BRINP3: variants seen among roughly 807,000 people sequenced by gnomAD.
BRINP3 encodes the protein BMP/retinoic acid inducible neural specific 3.
In BRINP3, 19 loss-of-function variants were observed where a neutral mutation model predicts 71.0. The observed-to-expected ratio is 0.27, with a 90% CI of 0.19 to 0.39. The LOEUF is 0.39. Ranked by LOEUF, BRINP3 falls within the 10% of genes least tolerant of loss-of-function variation. The probability of loss-of-function intolerance (pLI) is 1.00; values close to 1 mark genes in which losing one functional copy is unlikely to be tolerated. For synonymous variants in BRINP3, 380 were observed against 337.7 expected (o/e 1.13, Z -1.37); for missense variants, 959 against 940.8 (o/e 1.02, Z -0.25).
At position 190,097,975 on chromosome 1, in the gene BRINP3, TA is replaced by T; in HGVS notation, c.*42del. 1 of 1,551,548 alleles carries T rather than the reference TA, an allele frequency of 6.4e-7. No individual in the cohort carries two copies. The highest frequency in any genetic ancestry group is 8.7e-7 in the Non-Finnish European group (1 of 1,151,228). On this transcript the variant is annotated 3_prime_UTR_variant, in exon 8 of 8. Transcript: ENST00000367462. ...CATAAACTGTTCCACAAAAGCACTG[TA>T]AAAACTCCTTCAAGATTTTGGGTTG...
chr1:190,261,516 C>G (rs1661184105), intron 4 of BRINP3, among the ~76,000 whole-genome samples: 1 of 152,054 alleles, frequency 6.6e-6, no homozygotes, highest in Non-Finnish European at 1.5e-5. Context: ...TTTCTAGAAA[C>G]TGGCTCATAG....
At chr1:190,266,057 C>T (rs1661634304) in intron 3 of BRINP3, among the ~76,000 whole-genome samples, 1 of 152,112 alleles carries the variant, frequency 6.6e-6, no homozygotes, top group Non-Finnish European at 1.5e-5. Flanking sequence ...GACAAAAATC[C>T]ATGTCATTGA....
At chr1:190,467,151 G>T (rs1676813152) in intron 1 of BRINP3, among the ~76,000 whole-genome samples, 1 of 151,468 alleles carries the variant, frequency 6.6e-6, no homozygotes, top group Admixed American at 6.6e-5. Context: ...CTCTCTAAGA[G>T]AGTTATATTT....
rs1418531636 is a variant in BRINP3 at position 190,265,716 on chromosome 1, A to AAAAT, written c.428-665_428-662dup. 1.6e-3 allele frequency among the ~76,000 whole-genome samples: 241 copies of AAAAT among 151,670 alleles called. 1 individual carries two copies. Among genetic ancestry groups the AAAAT allele is most frequent in the African/African-American group, 5.1e-3 (213 of 41,480 alleles). ...GGCGACAGAGCGAGACTCCGTCTCA[A>AAAAT]AAATAAATAAATAAATAAATAAAAA... is the stretch of plus-strand genomic sequence containing the variant. On this transcript the variant is annotated intron_variant, in intron 3 of 7. Transcript: ENST00000367462.
At chr1:190,302,278 GTA>G (rs554805805) in intron 2 of BRINP3, among the ~76,000 whole-genome samples, 7 of 146,556 alleles carry the variant, frequency 4.8e-5, no homozygotes, top group South Asian at 2.1e-4. Flanking sequence ...ATATATAAAT[GTA>G]TATATATATA....
In BRINP3 at chr1:190,232,286, C is replaced by A. The variant is rs369309437; in HGVS notation, c.724+2086G>T. 2.0e-4 allele frequency among the ~76,000 whole-genome samples: 30 copies of A among 152,088 alleles called. No individual in the cohort carries two copies. In the East Asian group the frequency reaches 5.6e-3, roughly 28 times the overall value. ...GTGACCCAGAAATATCTATACCCTT[C>A]AAAGGAATGCACCATGGTAACATTG... is the stretch of plus-strand genomic sequence containing the variant. On this transcript the variant is annotated intron_variant, in intron 5 of 7. Transcript: ENST00000367462.
Position 190,269,272 on chromosome 1 carries a change from A to C in BRINP3, c.428-4217T>G, listed in dbSNP as rs1026758832. Among the ~76,000 whole-genome samples the C allele has an allele frequency of 3.3e-5, 5 of 152,284 alleles. No homozygotes were observed. The East Asian group carries it at 9.7e-4, about 29-fold the overall frequency. Reference sequence around the variant, plus strand: ...GGAAAACAAGGGAGATGATTCTATCAAAGGATAAACTCCAAACAGATTAGA... The same window carrying C: ...GGAAAACAAGGGAGATGATTCTATCCAAGGATAAACTCCAAACAGATTAGA... On this transcript the variant is annotated intron_variant, in intron 3 of 7. Transcript: ENST00000367462.
intron 2 of BRINP3, among the ~76,000 whole-genome samples, chr1:190,440,794 T>C (rs1674765412): frequency 1.3e-5 from 2 of 151,882 alleles, no homozygotes; most frequent in African/African-American, 4.8e-5. Context: ...AAAAGTCAAT[T>C]GGAAAATAAA....
intron 6 of BRINP3, among the ~76,000 whole-genome samples, chr1:190,186,335 C>A (rs1653522105): frequency 6.6e-6 from 1 of 152,040 alleles, no homozygotes. Context: ...CCACTGCACT[C>A]CAGCCAGGGC....
intron 7 of BRINP3, among the ~76,000 whole-genome samples, chr1:190,151,122 G>T (rs1052164471): frequency 2.0e-5 from 3 of 152,026 alleles, no homozygotes; most frequent in African/African-American, 7.2e-5. Flanking sequence ...ACTCCATCCT[G>T]GGTGACAGAG....
intron 2 of BRINP3, among the ~76,000 whole-genome samples, chr1:190,376,097 G>A (rs1235073838): frequency 2.0e-5 from 3 of 151,902 alleles, no homozygotes; most frequent in East Asian, 3.9e-4. Context: ...CCACAGAACA[G>A]TGTAACTACA....
intron 7 of BRINP3, among the ~76,000 whole-genome samples, chr1:190,125,054 G>GA (rs576983569): frequency 8.2e-4 from 124 of 152,060 alleles, no homozygotes; most frequent in African/African-American, 2.6e-3. Context: ...GGTAGATGAG[G>GA]AAATTGAAAC....
intron 1 of BRINP3, 141 bp from the exon 2 acceptor site, chr1:190,455,081 CA>C: frequency 2.0e-6 from 1 of 495,958 alleles, no homozygotes; most frequent in Non-Finnish European, 3.5e-6. Flanking sequence ...AAATACAAAC[CA>C]AAATTATTTT....
chr1:190,141,555 C>CTTTTTTTTT (rs35090212), intron 7 of BRINP3, among the ~76,000 whole-genome samples: 47 of 82,398 alleles, frequency 5.7e-4, no homozygotes, highest in Non-Finnish European at 7.5e-4. Context: ...TCTTTCTTTC[C>CTTTTTTTTT]TTTTTTTTTT....
At chr1:190,408,296 G>A (rs188057949) in intron 2 of BRINP3, among the ~76,000 whole-genome samples, 2 of 151,422 alleles carry the variant, frequency 1.3e-5, no homozygotes, top group African/African-American at 2.4e-5. Context: ...CGCCCACCTC[G>A]GCCTCTCAAA....
chr1:190,369,206 T>C (rs994569444), intron 2 of BRINP3, among the ~76,000 whole-genome samples: 5 of 152,198 alleles, frequency 3.3e-5, no homozygotes, highest in Non-Finnish European at 7.4e-5. Flanking sequence ...AAATATCTTT[T>C]GTTGTTATTA....
intron 2 of BRINP3, among the ~76,000 whole-genome samples, chr1:190,358,961 C>A (rs146026471): frequency 2.6e-5 from 4 of 151,690 alleles, no homozygotes; most frequent in African/African-American, 7.3e-5. Flanking sequence ...AATTGAACAA[C>A]GAGAACACTT....
chr1:190,263,155 G>A (rs1039379732), intron 4 of BRINP3, among the ~76,000 whole-genome samples: 6 of 152,050 alleles, frequency 3.9e-5, no homozygotes, highest in African/African-American at 1.2e-4. Flanking sequence ...TTTGACCAAA[G>A]TTTCTGTTTA....
At chr1:190,394,245 C>G (rs2102320099) in intron 2 of BRINP3, among the ~76,000 whole-genome samples, 1 of 151,606 alleles carries the variant, frequency 6.6e-6, no homozygotes, top group South Asian at 2.1e-4. Flanking sequence ...TCTCTCTTTT[C>G]ACTTATGATT....
Sources: gnomAD v4.1 joint callset for allele counts (sites outside exome capture counted in the v4.1 genomes callset) on GRCh38, gnomAD v4.1.1 for gene constraint, MANE v1.5 for transcripts, NCBI Gene and HGNC (gene_info 2026-07-23, HGNC 2026-07-21) for gene names.